The following CAP1 variants were observed in gnomAD, a reference collection of about 807,000 sequenced individuals.
CAP1 encodes adenylyl cyclase-associated protein 1.
CAP1 carries 11 observed loss-of-function variants against 58.2 expected under a neutral mutation model. The observed-to-expected ratio is 0.19, with a 90% CI of 0.12 to 0.31. The LOEUF is 0.31. Ranked by LOEUF, CAP1 falls within the 10% of genes least tolerant of loss-of-function variation. The pLI, the probability that CAP1 is intolerant of heterozygous loss-of-function variation, is 1.00. For missense variants in CAP1, 423 were observed against 587.5 expected, an observed-to-expected ratio of 0.72 and a Z score of 2.89; for synonymous variants, 183 against 213.8, an observed-to-expected ratio of 0.86 and a Z score of 1.26.
chr1:40,055,845 A>G (rs3131677), intron 1 of CAP1, among the ~76,000 whole-genome samples: 105,502 of 151,872 alleles, frequency 0.69, 36,922 homozygotes, highest in Non-Finnish European at 0.74. Context: ...TGGAGGCAAG[A>G]GGCATCTATT....
chr1:40,053,456 G>GT (rs1161819216), intron 1 of CAP1, among the ~76,000 whole-genome samples: 86 of 148,276 alleles, frequency 5.8e-4, no homozygotes, highest in Middle Eastern at 3.5e-3. Context: ...CCTCTGGCAA[G>GT]TTTTTTTTTT....
chr1:40,049,949 T>G (rs1646279916), intron 1 of CAP1, among the ~76,000 whole-genome samples: 1 of 152,158 alleles, frequency 6.6e-6, no homozygotes, highest in African/African-American at 2.4e-5. Flanking sequence ...TCATATGACC[T>G]CCTAGGGCAG....
intron 7 of CAP1, among the ~76,000 whole-genome samples, chr1:40,066,718 A>T (rs1647102162): frequency 1.3e-5 from 2 of 152,200 alleles, no homozygotes; most frequent in Admixed American, 6.5e-5. Flanking sequence ...TTCTCACTAG[A>T]AGAGATTGTA....
chr1:40,067,574 C>T lies in CAP1; in HGVS notation c.665C>T (p.Ser222Phe). 6.2e-7 allele frequency: 1 copy of T among 1,610,566 alleles called. No homozygotes were observed. Among genetic ancestry groups the T allele is most frequent in the Non-Finnish European group, 8.5e-7 (1 of 1,178,252 alleles). ...GCAAAAGAACTGAGCGGACTGCCAT[C>T]TGGACCCTCTGCCGGATCATGTCCT... Reference protein sequence around the residue: ...PVAKELSGLPSGPSAGSCPPP... With the variant: ...PVAKELSGLPFGPSAGSCPPP... Residue 222 changes from serine to phenylalanine, a missense_variant, in exon 8 of 13, where the codon TCT becomes TTT. By Grantham distance (155) the Ser-to-Phe change is radical. Coordinates refer to ENST00000372805, the MANE Select transcript of CAP1 (RefSeq NM_006367.4).
chr1:40,054,733 C>T (rs1646536759), intron 1 of CAP1, among the ~76,000 whole-genome samples: 1 of 152,128 alleles, frequency 6.6e-6, no homozygotes, highest in African/African-American at 2.4e-5. Flanking sequence ...CCTCCACTTC[C>T]CAGGTTCAAG....
intron 1 of CAP1, among the ~76,000 whole-genome samples, chr1:40,045,488 T>C (rs1476861856): frequency 6.6e-6 from 1 of 152,198 alleles, no homozygotes; most frequent in Non-Finnish European, 1.5e-5. Context: ...AACCTCCAAC[T>C]TTTGGGCTCA....
chr1:40,059,470 A>G lies in CAP1; in HGVS notation c.112+12A>G. On this transcript the variant is annotated intron_variant, in intron 2 of 12. Coordinates refer to ENST00000372805, the MANE Select transcript of CAP1 (RefSeq NM_006367.4). ...CAGTCCTTCAAAAGGTAAGCAGTCC[A>G]CAGCCCAGCAGAATGCTTTCTTTGA... is the stretch of plus-strand genomic sequence containing the variant. The G allele has an allele frequency of 6.7e-7, 1 of 1,482,672 alleles. No individual in the cohort carries two copies. The highest frequency in any genetic ancestry group is 1.7e-5 in the Admixed American group (1 of 59,590). 91.8% of individuals were successfully genotyped at this position (1,482,672 alleles called of 1,614,324 possible).
In CAP1 at chr1:40,061,787, C is replaced by A; in HGVS notation, c.269C>A (p.Ala90Asp). 1 of 1,614,072 alleles carries A rather than the reference C, an allele frequency of 6.2e-7. No individual in the cohort carries two copies. The highest frequency in any genetic ancestry group is 8.5e-7 in the Non-Finnish European group (1 of 1,179,922). The change falls in exon 4 of 13, where the codon GCT becomes GAT. Residue 90 changes from alanine (A) to aspartate (D), a missense_variant. By Grantham distance (126) the Ala-to-Asp change is moderately radical. Coordinates refer to ENST00000372805, the MANE Select transcript of CAP1 (RefSeq NM_006367.4). The part of the protein sequence containing the change: ...LKLERALLVT[A>D]SQCQQPAENK... ...TTGGAGCGAGCTCTGTTGGTTACAG[C>A]TTCTCAGTGTCAACAGCCAGCAGAA...
In CAP1 at chr1:40,059,581, T is replaced by C. The variant is rs1646759837; in HGVS notation, c.112+123T>C. 6.2e-6 allele frequency: 4 copies of C among 645,436 alleles called. No individual in the cohort carries two copies. The Admixed American group carries it at 1.1e-4, about 18-fold the overall frequency. The allele number at this position is 645,436 out of a possible 1,614,324, so 40.0% of individuals were successfully genotyped here. A position where few individuals can be genotyped will look rare whatever the true frequency, so the allele number is the denominator to read the frequency against. On this transcript the variant is annotated intron_variant, in intron 2 of 12. Coordinates refer to ENST00000372805, the MANE Select transcript of CAP1 (RefSeq NM_006367.4). The stretch of plus-strand genomic sequence containing the variant: ...ATCTAGAAAGTTTACCTTTTGTAAT[T>C]TGTATTGCTGTGAACAGATAAGAGA...
At chr1:40,067,403 A>C in intron 7 of CAP1, 137 bp from the exon 8 acceptor site, 1 of 638,242 alleles carries the variant, frequency 1.6e-6, no homozygotes, top group Non-Finnish European at 2.6e-6. Context: ...CAAGTTGGGT[A>C]TGGGTAGGAC....
At chr1:40,059,272 G>GT (rs575956433) in intron 1 of CAP1, 65 bp from the exon 2 acceptor site, 40 of 937,272 alleles carry the variant, frequency 4.3e-5, no homozygotes, top group Non-Finnish European at 5.8e-5. Flanking sequence ...GGAATTTTCT[G>GT]TTTTTTTCTC....
In CAP1 at chr1:40,070,046, G is replaced by C. The variant is rs1647560096; in HGVS notation, c.994-113G>C. 4.0e-6 allele frequency: 6 copies of C among 1,500,876 alleles called. No individual in the cohort carries two copies. The Admixed American group carries it at 1.1e-4, about 28-fold the overall frequency. 93.0% of individuals were successfully genotyped at this position (1,500,876 alleles called of 1,614,324 possible). On this transcript the variant is annotated intron_variant, in intron 9 of 12. Transcript: ENST00000372805. ...CAGGAGGTTAAATGGAGCTTAGCTA[G>C]ATGAGGGCAGAGTTCTGGCTTCAAT...
intron 8 of CAP1, among the ~76,000 whole-genome samples, chr1:40,069,109 C>T (rs1033417568): frequency 2.0e-5 from 3 of 152,226 alleles, no homozygotes; most frequent in African/African-American, 4.8e-5. Context: ...TGTGGGATTA[C>T]AGGCATGAGC....
chr1:40,041,477 C>G (rs11806617), intron 1 of CAP1: 21,173 of 152,162 alleles, frequency 0.14, 1,750 homozygotes, highest in East Asian at 0.23. Context: ...CTTTGACAAG[C>G]CAGGCTAACA....
At position 40,063,407 on chromosome 1, in the gene CAP1, A is replaced by G. The variant is rs376414767; in HGVS notation, c.295-820A>G. Among the ~76,000 whole-genome samples, 46 of 151,998 alleles carry G rather than the reference A, an allele frequency of 3.0e-4. 2 individuals are homozygous for G. In the East Asian group the frequency reaches 3.7e-3, roughly 12 times the overall value. On this transcript the variant is annotated intron_variant, in intron 4 of 12. Transcript: ENST00000372805. ...GCCCAGGCTGATCTTAAACTCCTGG[A>G]CTCAAGCGATCTGCCCACCTTGGCC...
intron 1 of CAP1, among the ~76,000 whole-genome samples, chr1:40,045,885 G>A (rs1557672151): frequency 6.6e-6 from 1 of 152,064 alleles, no homozygotes; most frequent in Non-Finnish European, 1.5e-5. Flanking sequence ...ACAGGGTCTT[G>A]CTATGTTGCC....
chr1:40,057,219 A>G (rs553752409), intron 1 of CAP1, among the ~76,000 whole-genome samples: 26 of 152,330 alleles, frequency 1.7e-4, no homozygotes, highest in Admixed American at 2.0e-4. Context: ...AACATGTTTT[A>G]ATAACAGAAC....
At chr1:40,055,530 A>G (rs143128961) in intron 1 of CAP1, among the ~76,000 whole-genome samples, 2 of 151,682 alleles carry the variant, frequency 1.3e-5, no homozygotes, top group East Asian at 3.9e-4. Context: ...TTTTTTTGAG[A>G]CAGGATCTTG....
rs184176191 is a variant in CAP1, at chr1:40,047,520, A to C, written c.-11+6719A>C. Among the ~76,000 whole-genome samples, 6 of 152,290 alleles carry C rather than the reference A, an allele frequency of 3.9e-5. No individual in the cohort carries two copies. The South Asian group carries it at 1.0e-3, about 26-fold the overall frequency. On this transcript the variant is annotated intron_variant, in intron 1 of 12. Coordinates refer to ENST00000372805, the MANE Select transcript of CAP1 (RefSeq NM_006367.4). ...AGACTTACAGTCTTTCCATATTCCT[A>C]CTTGTAGATGAATCATGGCTAAGGA...
Sources: gnomAD v4.1 joint callset for allele counts (sites outside exome capture counted in the v4.1 genomes callset) on GRCh38, gnomAD v4.1.1 for gene constraint, MANE v1.5 for transcripts, NCBI Gene and HGNC (gene_info 2026-07-23, HGNC 2026-07-21) for gene names.